The following RFX6 variants were observed in gnomAD, a reference collection of about 807,000 sequenced individuals.
RFX6 encodes the protein regulatory factor X6, also known as DNA-binding protein RFX6.
A neutral mutation model predicts 110.8 loss-of-function variants in RFX6; 50 were observed. The observed-to-expected ratio is 0.45, with a 90% CI of 0.36 to 0.57. The LOEUF is 0.57. RFX6 is among the 20% of genes least tolerant of loss of function. RFX6 has a pLI of 0.00. For synonymous variants in RFX6, 383 were observed against 411.2 expected (o/e 0.93, Z 0.83); for missense variants, 990 against 1,127.0 (o/e 0.88, Z 1.74).
In RFX6 at chr6:116,931,696, AAG is replaced by A. The variant is rs1387244146; in HGVS notation, c.*193_*194del. ...ACTTGCAGAGCTTGTCATGCACACT[AAG>A]AGTTTAAAATGTGAGCTCATTATTA... On this transcript the variant is annotated 3_prime_UTR_variant, in exon 19 of 19. Transcript: ENST00000332958. 1 of 544,248 alleles carries A rather than the reference AAG, an allele frequency of 1.8e-6. No individual in the cohort carries two copies. The highest frequency in any genetic ancestry group is 1.9e-5 in the African/African-American group (1 of 52,954). The allele number at this position is 544,248 out of a possible 1,614,324, so 33.7% of individuals were successfully genotyped here.
chr6:116,891,616 T>C (rs1272782858), intron 4 of RFX6, among the ~76,000 whole-genome samples: 2 of 152,242 alleles, frequency 1.3e-5, no homozygotes, highest in Non-Finnish European at 2.9e-5. Flanking sequence ...ACATTTCTTT[T>C]GGTATCTTAG....
intron 5 of RFX6, 23 bp downstream of exon 5, chr6:116,894,087 A>G: frequency 7.9e-7 from 1 of 1,265,986 alleles, no homozygotes; most frequent in Non-Finnish European, 1.2e-6. Context: ...CATCTTCAAG[A>G]CAAATTCTCT....
chr6:116,905,645 C>CCA (rs1775184950), intron 6 of RFX6, among the ~76,000 whole-genome samples: 1 of 151,594 alleles, frequency 6.6e-6, no homozygotes, highest in South Asian at 2.1e-4. Flanking sequence ...CTCTGCCTCC[C>CCA]GTGTTCAAGC....
chr6:116,894,567 A>T (rs1774900304), intron 5 of RFX6, among the ~76,000 whole-genome samples: 1 of 152,138 alleles, frequency 6.6e-6, no homozygotes, highest in Non-Finnish European at 1.5e-5. Flanking sequence ...GAAAGGTAAA[A>T]CATGAATGAA....
intron 2 of RFX6, among the ~76,000 whole-genome samples, chr6:116,879,175 C>T (rs1258672141): frequency 1.3e-5 from 2 of 151,688 alleles, no homozygotes; most frequent in East Asian, 1.9e-4. Flanking sequence ...TAAATGTATA[C>T]ATAAATATAT....
intron 12 of RFX6, among the ~76,000 whole-genome samples, chr6:116,920,688 A>G (rs1775576578): frequency 6.6e-6 from 1 of 152,184 alleles, no homozygotes; most frequent in Admixed American, 6.6e-5. Context: ...TGATTGAAAA[A>G]AAACCTGGTT....
Position 116,931,492 on chromosome 6 carries a change from G to A in RFX6, c.2773G>A (p.Ala925Thr). 6.2e-7 allele frequency: 1 copy of A among 1,613,206 alleles called. No individual in the cohort carries two copies. Among genetic ancestry groups the A allele is most frequent in the South Asian group, 1.1e-5 (1 of 91,050 alleles). Residue 925 changes from alanine (A) to threonine (T), a missense_variant, in exon 19 of 19, where the codon GCT (alanine) becomes ACT (threonine). Around this residue, in one of 5 missense-constraint regions of RFX6, gnomAD observed 438 missense variants for 441.9 expected, o/e 0.99. Coordinates refer to ENST00000332958, the MANE Select transcript of RFX6 (RefSeq NM_173560.4). ...PINTVFMGTA[A>T]GGT ...CAACACTGTGTTCATGGGAACAGCA[G>A]CTGGAGGCACTTAAACCACCAATGT...
At chr6:116,906,743 TTGTGTGTG>T (rs56724266) in intron 6 of RFX6, among the ~76,000 whole-genome samples, 3 of 149,978 alleles carry the variant, frequency 2.0e-5, no homozygotes, top group African/African-American at 2.4e-5. Context: ...CATTTATGAG[TTGTGTGTG>T]TGTGTGTGTG....
At chr6:116,909,810 G>T (rs1482932977) in intron 6 of RFX6, among the ~76,000 whole-genome samples, 1 of 123,424 alleles carries the variant, frequency 8.1e-6, no homozygotes, top group Non-Finnish European at 1.6e-5. Flanking sequence ...GCAGTGGCAC[G>T]ATCTTGGCTC....
rs1250230534 is a variant in RFX6, at chr6:116,894,075, A to C, written c.644+11A>C. 3.6e-6 allele frequency: 5 copies of C among 1,403,426 alleles called. No individual in the cohort carries two copies. Among genetic ancestry groups the C allele is most frequent in the Non-Finnish European group, 5.1e-6 (5 of 987,924 alleles). 86.9% of individuals were successfully genotyped at this position (1,403,426 alleles called of 1,614,324 possible). A position where few individuals can be genotyped will look rare whatever the true frequency, so the allele number is the denominator to read the frequency against. The stretch of plus-strand genomic sequence containing the variant: ...AAAGGGCTTGACAAGGTAGAGTTAC[A>C]CCATCTTCAAGACAAATTCTCTGTG... On this transcript the variant is annotated intron_variant, in intron 5 of 18. Transcript: ENST00000332958.
At position 116,919,292 on chromosome 6, in the gene RFX6, C is replaced by T. The variant is rs1157552293; in HGVS notation, c.1178C>T (p.Ala393Val). The change falls in exon 11 of 19, where the codon GCC (alanine) becomes GTC (valine). Residue 393 changes from alanine (A) to valine (V), a missense_variant. Transcript: ENST00000332958. ...CGACAAACATCTTTCTTACATCTTGCCCAGGTATGTTGGTTGCTAAGTCGA... is the reference window on the plus strand; with the variant it reads ...CGACAAACATCTTTCTTACATCTTGTCCAGGTATGTTGGTTGCTAAGTCGA... ...LKRQTSFLHL[A>V]QIARPALFDQ... 6.8e-6 allele frequency: 11 copies of T among 1,612,782 alleles called. No individual in the cohort carries two copies. Among genetic ancestry groups the T allele is most frequent in the Non-Finnish European group, 9.3e-6 (11 of 1,179,008 alleles).
In RFX6 at chr6:116,882,431, A is replaced by G. The variant is rs1377264535; in HGVS notation, c.566+3A>G. On this transcript the variant is annotated splice_donor_region_variant and intron_variant, in intron 4 of 18. Transcript: ENST00000332958. Reference sequence around the variant, plus strand: ...CTTGGAACAAGAGGCCATTCAAAGTAAGATACCAGTGAACATATTCAGGTT... The same window carrying G: ...CTTGGAACAAGAGGCCATTCAAAGTGAGATACCAGTGAACATATTCAGGTT... The G allele has an allele frequency of 4.4e-6, 7 of 1,605,718 alleles. No homozygotes were observed. Among genetic ancestry groups the G allele is most frequent in the Non-Finnish European group, 6.0e-6 (7 of 1,172,586 alleles).
chr6:116,895,577 A>G (rs1774926056), intron 6 of RFX6, among the ~76,000 whole-genome samples: 1 of 152,152 alleles, frequency 6.6e-6, no homozygotes, highest in Admixed American at 6.6e-5. Flanking sequence ...CCATTTAGAC[A>G]AAACATTTAT....
rs761266731 is a variant in RFX6 at position 116,910,986 on chromosome 6, C to A, written c.724C>A (p.Pro242Thr). ...TAGCTCAAAAACTGGAACACTTCTTCCAGAATTCCCCAGCGCTCAACACCT... is the reference window on the plus strand; with the variant it reads ...TAGCTCAAAAACTGGAACACTTCTTACAGAATTCCCCAGCGCTCAACACCT... ...SLSSKTGTLL[P>T]EFPSAQHLVY... The change falls in exon 7 of 19, where the codon CCA becomes ACA. Residue 242 changes from proline to threonine, a missense_variant. This residue lies in a region of RFX6 where 243 missense variants were observed against 353.1 expected (regional missense o/e 0.69). Transcript: ENST00000332958. The A allele has an allele frequency of 6.2e-7, 1 of 1,613,700 alleles. No homozygotes were observed. Among genetic ancestry groups the A allele is most frequent in the South Asian group, 1.1e-5 (1 of 91,082 alleles).
At chr6:116,929,688 AT>A (rs995656985) in intron 18 of RFX6, among the ~76,000 whole-genome samples, 1 of 152,232 alleles carries the variant, frequency 6.6e-6, no homozygotes, top group African/African-American at 2.4e-5. Flanking sequence ...GTTTCTAAAA[AT>A]ACTAATAAGA....
rs200577402 is a variant in RFX6 at position 116,931,804 on chromosome 6, CT to C, written c.*301del. The C allele has an allele frequency of 5.1e-5, 14 of 272,370 alleles. No individual in the cohort carries two copies. The East Asian group carries it at 1.1e-3, about 22-fold the overall frequency. 16.9% of individuals were successfully genotyped at this position (272,370 alleles called of 1,614,324 possible). A position where few individuals can be genotyped will look rare whatever the true frequency, so the allele number is the denominator to read the frequency against. On this transcript the variant is annotated 3_prime_UTR_variant, in exon 19 of 19. Transcript: ENST00000332958. ...TTCAACTATGAAGATTTACATTTCA[CT>C]TTCTAATTTATTAAACATCTGTGTG...
intron 4 of RFX6, among the ~76,000 whole-genome samples, chr6:116,888,864 T>C (rs1774757112): frequency 6.6e-6 from 1 of 152,170 alleles, no homozygotes; most frequent in South Asian, 2.1e-4. Context: ...ATGTACACTT[T>C]GCATGAACTC....
intron 4 of RFX6, among the ~76,000 whole-genome samples, chr6:116,890,427 G>T (rs1774802434): frequency 6.6e-6 from 1 of 152,016 alleles, no homozygotes; most frequent in Non-Finnish European, 1.5e-5. Flanking sequence ...TGCATTATTT[G>T]TTCCCTCACA....
chr6:116,898,020 A>G (rs1774987733), intron 6 of RFX6, among the ~76,000 whole-genome samples: 1 of 152,116 alleles, frequency 6.6e-6, no homozygotes, highest in Admixed American at 6.6e-5. Flanking sequence ...TGAGAGAGGA[A>G]GAGTCGGTGA....
Sources: allele counts gnomAD v4.1 joint callset (sites outside exome capture counted in the v4.1 genomes callset), GRCh38; gene constraint gnomAD v4.1.1; regional missense constraint gnomAD v4.1.1; transcripts MANE v1.5; gene names NCBI Gene and HGNC (gene_info 2026-07-23, HGNC 2026-07-21).